ADCY2: variants seen among roughly 807,000 people sequenced by gnomAD.
ADCY2 encodes adenylate cyclase 2, also known as adenylate cyclase type 2.
A neutral mutation model predicts 125.2 loss-of-function variants in ADCY2; 31 were observed. The observed-to-expected ratio is 0.25, with a 90% CI of 0.19 to 0.33. The LOEUF (loss-of-function observed/expected upper bound fraction) is 0.33. Ranked by LOEUF, ADCY2 falls within the 10% of genes least tolerant of loss-of-function variation. The probability of loss-of-function intolerance (pLI) is 1.00; values close to 1 mark genes in which losing one functional copy is unlikely to be tolerated. For missense variants in ADCY2, 904 were observed against 1,418.2 expected (o/e 0.64, Z 5.82); for synonymous variants, 512 against 548.4 (o/e 0.93, Z 0.93).
chr5:7,449,518 CT>C (rs940852423), intron 2 of ADCY2, among the ~76,000 whole-genome samples: 2 of 152,154 alleles, frequency 1.3e-5, no homozygotes, highest in Non-Finnish European at 2.9e-5. Context: ...GCCAGCTTCA[CT>C]TTCAGGCTGT....
chr5:7,696,161 C>T (rs1740885201), intron 6 of ADCY2, among the ~76,000 whole-genome samples: 1 of 152,198 alleles, frequency 6.6e-6, no homozygotes, highest in Non-Finnish European at 1.5e-5. Flanking sequence ...ATTTGCAAAT[C>T]TCTCTGCATG....
At chr5:7,687,445 A>C (rs1374724270) in intron 4 of ADCY2, among the ~76,000 whole-genome samples, 2 of 152,158 alleles carry the variant, frequency 1.3e-5, no homozygotes, top group Non-Finnish European at 2.9e-5. Flanking sequence ...TCCTAAGACA[A>C]GGGTCTGGTT....
intron 2 of ADCY2, among the ~76,000 whole-genome samples, chr5:7,482,767 GATAT>G (rs140354609): frequency 1.1e-4 from 13 of 119,444 alleles, no homozygotes; most frequent in Admixed American, 2.8e-4. Context: ...AAGAAAATGT[GATAT>G]ATATATATAT....
At chr5:7,473,476 C>T (rs1742413960) in intron 2 of ADCY2, among the ~76,000 whole-genome samples, 2 of 151,986 alleles carry the variant, frequency 1.3e-5, no homozygotes, top group South Asian at 4.2e-4. Context: ...TTTTGAGGAA[C>T]CCACCCCCAT....
At chr5:7,650,938 C>T (rs1190354500) in intron 4 of ADCY2, among the ~76,000 whole-genome samples, 4 of 152,044 alleles carry the variant, frequency 2.6e-5, no homozygotes, top group South Asian at 4.2e-4. Context: ...AGACGTTGCT[C>T]GGTGGTTAGG....
chr5:7,657,644 T>C lies in ADCY2; in HGVS notation c.720+31328T>C, dbSNP rs73051863. On this transcript the variant is annotated intron_variant, in intron 4 of 24. Coordinates refer to ENST00000338316, the MANE Select transcript of ADCY2 (RefSeq NM_020546.3). ...AACAAAGTACTTAATAGGGGTATGC[T>C]CTTTCATTCTTTCCTGCACTAAGGG... 7.9e-3 allele frequency among the ~76,000 whole-genome samples: 1,204 copies of C among 152,272 alleles called. 17 individuals are homozygous for C. Among genetic ancestry groups the C allele is most frequent in the African/African-American group, 0.027 (1,134 of 41,536 alleles).
At chr5:7,409,838 C>T (rs1267483580) in intron 1 of ADCY2, among the ~76,000 whole-genome samples, 2 of 152,040 alleles carry the variant, frequency 1.3e-5, no homozygotes, top group Non-Finnish European at 2.9e-5. Context: ...TTGCTTTATA[C>T]AGTTTGAGGC....
chr5:7,523,466 T>C (rs1744536814), intron 3 of ADCY2, among the ~76,000 whole-genome samples: 1 of 152,162 alleles, frequency 6.6e-6, no homozygotes, highest in African/African-American at 2.4e-5. Flanking sequence ...CTTCACTCCA[T>C]AGTATTTTAT....
intron 3 of ADCY2, among the ~76,000 whole-genome samples, chr5:7,527,373 T>C (rs990331334): frequency 6.6e-6 from 1 of 152,262 alleles, no homozygotes; most frequent in Non-Finnish European, 1.5e-5. Flanking sequence ...GGCATAATAA[T>C]GAGCCAACCT....
intron 1 of ADCY2, 58 bp from the exon 2 acceptor site, chr5:7,414,515 A>G: frequency 1.4e-6 from 2 of 1,388,964 alleles, no homozygotes; most frequent in South Asian, 2.9e-5. Context: ...AACATAAATC[A>G]TTGGTATCAC....
chr5:7,510,472 T>C (rs576676930), intron 2 of ADCY2, among the ~76,000 whole-genome samples: 23 of 152,296 alleles, frequency 1.5e-4, no homozygotes, highest in African/African-American at 5.5e-4. Context: ...AGGGTTACCA[T>C]AGAGGCTGAT....
At chr5:7,808,429 A>T (rs2126528622) in intron 22 of ADCY2, among the ~76,000 whole-genome samples, 1 of 152,296 alleles carries the variant, frequency 6.6e-6, no homozygotes, top group South Asian at 2.1e-4. Flanking sequence ...TGCCACTTCC[A>T]ATGCAAACCC....
At chr5:7,400,280 T>C (rs960400874) in intron 1 of ADCY2, among the ~76,000 whole-genome samples, 2 of 152,226 alleles carry the variant, frequency 1.3e-5, no homozygotes, top group African/African-American at 4.8e-5. Flanking sequence ...GTATGCACTT[T>C]TATTAACTAT....
At chr5:7,491,866 C>A (rs914589384) in intron 2 of ADCY2, among the ~76,000 whole-genome samples, 3 of 152,118 alleles carry the variant, frequency 2.0e-5, no homozygotes, top group African/African-American at 7.2e-5. Flanking sequence ...CTGTTTTATT[C>A]ATCTATCTAT....
At chr5:7,431,439 AC>A (rs1740597103) in intron 2 of ADCY2, among the ~76,000 whole-genome samples, 1 of 152,172 alleles carries the variant, frequency 6.6e-6, no homozygotes, top group Admixed American at 6.5e-5. Flanking sequence ...AAATTATTAA[AC>A]ATCTGGAAGA....
intron 3 of ADCY2, among the ~76,000 whole-genome samples, chr5:7,594,060 A>G (rs1736929853): frequency 6.6e-6 from 1 of 152,168 alleles, no homozygotes; most frequent in African/African-American, 2.4e-5. Context: ...AAGTGTGTTA[A>G]AGGCGCTGAC....
At chr5:7,795,825 T>C (rs13355067) in intron 20 of ADCY2, 169 of 152,320 alleles carry the variant, frequency 1.1e-3, no homozygotes, top group African/African-American at 4.0e-3. Context: ...TTGTTTACAC[T>C]ATACTGTATG....
At chr5:7,628,297 C>T (rs565851397) in intron 4 of ADCY2, among the ~76,000 whole-genome samples, 1 of 152,074 alleles carries the variant, frequency 6.6e-6, no homozygotes, top group African/African-American at 2.4e-5. Flanking sequence ...AGCACTAAAG[C>T]TACAGAGAAC....
intron 17 of ADCY2, among the ~76,000 whole-genome samples, chr5:7,770,340 A>G (rs1743516068): frequency 6.6e-6 from 1 of 152,220 alleles, no homozygotes; most frequent in South Asian, 2.1e-4. Flanking sequence ...CAATCCACAT[A>G]TACCCATTGA....
Sources: gnomAD v4.1 joint callset for allele counts (sites outside exome capture counted in the v4.1 genomes callset) on GRCh38, gnomAD v4.1.1 for gene constraint, MANE v1.5 for transcripts, NCBI Gene and HGNC (gene_info 2026-07-23, HGNC 2026-07-21) for gene names.